ADAMTS6: variants seen among roughly 807,000 people sequenced by gnomAD.
ADAMTS6 encodes A disintegrin and metalloproteinase with thrombospondin motifs 6.
Under a neutral mutation model 144.3 loss-of-function variants are expected in ADAMTS6, and 23 were observed. That is an observed-to-expected ratio of 0.16 (90% CI 0.11 to 0.23). The LOEUF (loss-of-function observed/expected upper bound fraction) is 0.23. Ranked by LOEUF, ADAMTS6 falls within the 10% of genes least tolerant of loss-of-function variation. The pLI is 1.00. For synonymous variants in ADAMTS6, 444 were observed against 457.5 expected, an observed-to-expected ratio of 0.97 and a Z score of 0.38; for missense variants, 999 against 1,379.6, an observed-to-expected ratio of 0.72 and a Z score of 4.37.
At chr5:65,399,178 C>T (rs1009685891) in intron 7 of ADAMTS6, among the ~76,000 whole-genome samples, 1 of 151,924 alleles carries the variant, frequency 6.6e-6, no homozygotes, top group Non-Finnish European at 1.5e-5. Flanking sequence ...AATTGTTGAA[C>T]TCGGAAGGCA....
At chr5:65,307,128 TC>T in intron 9 of ADAMTS6, among the ~76,000 whole-genome samples, 1 of 152,216 alleles carries the variant, frequency 6.6e-6, no homozygotes, top group Non-Finnish European at 1.5e-5. Flanking sequence ...TCTTCTGAAA[TC>T]GTTAATAGTT....
At chr5:65,203,820 GAAT>G (rs1434575558) in intron 20 of ADAMTS6, among the ~76,000 whole-genome samples, 2 of 152,104 alleles carry the variant, frequency 1.3e-5, no homozygotes, top group African/African-American at 4.8e-5. Context: ...ATGTAAAGAT[GAAT>G]AATGTTATGA....
chr5:65,273,727 T>C (rs1220608195), intron 11 of ADAMTS6, among the ~76,000 whole-genome samples: 1 of 152,144 alleles, frequency 6.6e-6, no homozygotes, highest in East Asian at 1.9e-4. Flanking sequence ...ATTTCATTAA[T>C]ATAGATGAAT....
intron 12 of ADAMTS6, among the ~76,000 whole-genome samples, chr5:65,270,567 T>A (rs754511972): frequency 6.6e-6 from 1 of 152,230 alleles, no homozygotes; most frequent in Non-Finnish European, 1.5e-5. Flanking sequence ...TACTGCTCTA[T>A]CCTTTTCCTT....
intron 1 of ADAMTS6, among the ~76,000 whole-genome samples, chr5:65,475,475 T>G (rs1406577600): frequency 2.0e-5 from 3 of 152,158 alleles, no homozygotes; most frequent in African/African-American, 7.2e-5. Context: ...GAGCTCATAA[T>G]CTAAGTAACA....
At chr5:65,235,696 T>C (rs1190893773) in intron 15 of ADAMTS6, among the ~76,000 whole-genome samples, 2 of 152,204 alleles carry the variant, frequency 1.3e-5, no homozygotes, top group African/African-American at 4.8e-5. Flanking sequence ...AAACTCAGAC[T>C]GGCTCTCCTT....
intron 7 of ADAMTS6, among the ~76,000 whole-genome samples, chr5:65,361,202 G>A (rs1281163080): frequency 6.6e-6 from 1 of 152,048 alleles, no homozygotes; most frequent in African/African-American, 2.4e-5. Flanking sequence ...GATCAAAATG[G>A]TTTAAAATAG....
intron 24 of ADAMTS6, among the ~76,000 whole-genome samples, chr5:65,155,368 G>T (rs1160021099): frequency 6.6e-6 from 1 of 152,096 alleles, no homozygotes; most frequent in Non-Finnish European, 1.5e-5. Flanking sequence ...AACCTAGATG[G>T]TATAGCCTAT....
chr5:65,471,574 G>T (rs1258670766), intron 2 of ADAMTS6, among the ~76,000 whole-genome samples: 3 of 150,872 alleles, frequency 2.0e-5, no homozygotes, highest in Admixed American at 6.6e-5. Flanking sequence ...ATCATCACAC[G>T]GTGAAACCCC....
chr5:65,399,118 G>A (rs569744246), intron 7 of ADAMTS6, among the ~76,000 whole-genome samples: 254 of 152,072 alleles, frequency 1.7e-3, no homozygotes, highest in Non-Finnish European at 3.1e-3. Context: ...TTAGCTGGGC[G>A]CGGTGGTGGG....
intron 7 of ADAMTS6, among the ~76,000 whole-genome samples, chr5:65,349,851 C>CAAA (rs59275360): frequency 9.3e-6 from 1 of 107,728 alleles, no homozygotes; most frequent in Non-Finnish European, 2.0e-5. Flanking sequence ...GAGACTGTCT[C>CAAA]AAAAAAAAAA....
At chr5:65,191,698 A>G (rs1158173579) in intron 21 of ADAMTS6, among the ~76,000 whole-genome samples, 4 of 152,146 alleles carry the variant, frequency 2.6e-5, no homozygotes, top group African/African-American at 9.6e-5. Flanking sequence ...TTAAAAAAAT[A>G]AAAAGAATTT....
Position 65,452,197 on chromosome 5 carries a change from T to G in ADAMTS6, c.863A>C (p.Asp288Ala). 1.2e-6 allele frequency: 2 copies of G among 1,613,008 alleles called. No homozygotes were observed. Among genetic ancestry groups the G allele is most frequent in the Non-Finnish European group, 1.7e-6 (2 of 1,179,360 alleles). Residue 288 changes from aspartate (D) to alanine (A), a missense_variant, in exon 6 of 25, where the codon GAT (aspartate) becomes GCT (alanine). By Grantham distance (126) the Asp-to-Ala change is moderately radical (BLOSUM62 -2). Transcript: ENST00000381055. Reference protein sequence around the residue: ...VMNIVAKLYRDSSLGNVVNII... With the variant: ...VMNIVAKLYRASSLGNVVNII... ...ATTCACAACGTTTCCTAGGCTGGAA[T>G]CACGGTAAAGTTTGGCAACCTGACC...
chr5:65,384,646 TCTC>T (rs1168553881), intron 7 of ADAMTS6, among the ~76,000 whole-genome samples: 15 of 152,164 alleles, frequency 9.9e-5, no homozygotes, highest in African/African-American at 3.6e-4. Context: ...TTTCTACAGC[TCTC>T]CTCTTCTCCT....
At chr5:65,472,516 A>C (rs939140690) in intron 2 of ADAMTS6, among the ~76,000 whole-genome samples, 2 of 152,184 alleles carry the variant, frequency 1.3e-5, no homozygotes, top group Non-Finnish European at 2.9e-5. Flanking sequence ...CAATAAAGCT[A>C]TTTTAAAAAC....
In ADAMTS6 at chr5:65,361,480, G is replaced by A. The variant is rs547335882; in HGVS notation, c.1074-27395C>T. Reference sequence around the variant, plus strand: ...AACCTACAACTCCCAAATTGTTTCCGCTTCTACACCACCGCAACTAACAAT... The same window carrying A: ...AACCTACAACTCCCAAATTGTTTCCACTTCTACACCACCGCAACTAACAAT... On this transcript the variant is annotated intron_variant, in intron 7 of 24. Coordinates refer to ENST00000381055, the MANE Select transcript of ADAMTS6 (RefSeq NM_197941.4). Among the ~76,000 whole-genome samples the A allele has an allele frequency of 5.3e-5, 8 of 152,008 alleles. No individual in the cohort carries two copies. The East Asian group carries it at 7.7e-4, about 15-fold the overall frequency.
intron 7 of ADAMTS6, chr5:65,416,232 A>T (rs1307180243): frequency 6.4e-6 from 1 of 156,452 alleles, no homozygotes; most frequent in Non-Finnish European, 1.4e-5. Flanking sequence ...GGGTTTATAC[A>T]AGAAAAATAA....
At chr5:65,310,483 C>A (rs1744389061) in intron 9 of ADAMTS6, among the ~76,000 whole-genome samples, 1 of 152,034 alleles carries the variant, frequency 6.6e-6, no homozygotes, top group African/African-American at 2.4e-5. Flanking sequence ...TGTGTTCATG[C>A]CACTGCACTC....
intron 7 of ADAMTS6, among the ~76,000 whole-genome samples, chr5:65,334,788 T>G (rs969052233): frequency 6.6e-6 from 1 of 152,186 alleles, no homozygotes; most frequent in Non-Finnish European, 1.5e-5. Flanking sequence ...ATGTTGCATA[T>G]TTTAAAAATA....
Sources: gnomAD v4.1 joint callset for allele counts (sites outside exome capture counted in the v4.1 genomes callset) on GRCh38, gnomAD v4.1.1 for gene constraint, MANE v1.5 for transcripts, NCBI Gene and HGNC (gene_info 2026-07-23, HGNC 2026-07-21) for gene names.